Variants in XKR4 observed in about 807,000 individuals in gnomAD.
The protein encoded by XKR4 is XK related 4, also known as XK-related protein 4.
In XKR4, 12 loss-of-function variants were observed where a neutral mutation model predicts 53.9. The observed-to-expected ratio is 0.22, with a 90% CI of 0.14 to 0.36. The LOEUF is 0.36. Among genes scored for constraint, XKR4 ranks in the 10% least tolerant of loss-of-function variants. The pLI, the probability that XKR4 is intolerant of heterozygous loss-of-function variation, is 1.00. For synonymous variants in XKR4, 354 were observed against 362.4 expected (o/e 0.98, Z 0.26); for missense variants, 799 against 859.5 (o/e 0.93, Z 0.88).
intron 1 of XKR4, among the ~76,000 whole-genome samples, chr8:55,289,743 AAAAGAAAG>A (rs199720273): frequency 2.8e-5 from 4 of 142,356 alleles, no homozygotes; most frequent in African/African-American, 8.3e-5. Flanking sequence ...GAAAGAAAGA[AAAAGAAAG>A]AAAGAAAGAG....
intron 2 of XKR4, among the ~76,000 whole-genome samples, chr8:55,376,975 C>CACACACAG (rs1554521135): frequency 6.6e-5 from 10 of 151,290 alleles, no homozygotes; most frequent in African/African-American, 2.2e-4. Flanking sequence ...CACACACACA[C>CACACACAG]AGAGAGAGAG....
At chr8:55,103,853 A>ATG (rs1337808404) in intron 1 of XKR4, among the ~76,000 whole-genome samples, 13 of 24,346 alleles carry the variant, frequency 5.3e-4, no homozygotes, top group Admixed American at 9.5e-4. Context: ...ATGACTTTGT[A>ATG]TATATATATA....
chr8:55,193,220 T>A (rs1817466371), intron 1 of XKR4, among the ~76,000 whole-genome samples: 1 of 152,190 alleles, frequency 6.6e-6, no homozygotes, highest in South Asian at 2.1e-4. Flanking sequence ...CCTTTCTTCT[T>A]TTTAACCTTC....
intron 1 of XKR4, among the ~76,000 whole-genome samples, chr8:55,285,238 T>C (rs75520700): frequency 1.6e-3 from 246 of 152,308 alleles, no homozygotes; most frequent in African/African-American, 5.6e-3. Flanking sequence ...TAGGCACACA[T>C]ACCCATTATG....
At chr8:55,338,969 G>C (rs979393274) in intron 1 of XKR4, among the ~76,000 whole-genome samples, 1 of 152,162 alleles carries the variant, frequency 6.6e-6, no homozygotes, top group Non-Finnish European at 1.5e-5. Context: ...ATAGTTTGGT[G>C]TTAGGACTCA....
Position 55,535,497 on chromosome 8 carries a change from C to T in XKR4, c.*11270C>T, listed in dbSNP as rs1034706079. On this transcript the variant is annotated 3_prime_UTR_variant, in exon 3 of 3. Transcript: ENST00000327381. ...AAGAAAATGTTCATTTTCTGAACCC[C>T]AGAGCCCACATAGGTACAAAGATAC... 6.6e-6 allele frequency: 1 copy of T among 151,794 alleles called. No homozygotes were observed. 9.4% of individuals were successfully genotyped at this position (151,794 alleles called of 1,614,324 possible).
chr8:55,364,560 T>A (rs1469135922), intron 2 of XKR4, among the ~76,000 whole-genome samples: 3 of 152,232 alleles, frequency 2.0e-5, no homozygotes, highest in African/African-American at 7.2e-5. Flanking sequence ...TGTCTGAAAC[T>A]GTTTTTCTCA....
Position 55,215,256 on chromosome 8 carries a change from T to C in XKR4, c.806+111962T>C, listed in dbSNP as rs530787971. Among the ~76,000 whole-genome samples the C allele has an allele frequency of 2.2e-4, 33 of 152,342 alleles. No homozygotes were observed. In the South Asian group the frequency reaches 2.3e-3, roughly 11 times the overall value. On this transcript the variant is annotated intron_variant, in intron 1 of 2. Coordinates refer to ENST00000327381, the MANE Select transcript of XKR4 (RefSeq NM_052898.2). ...ATAACTTGCCCAAACATGTATAGGT[T>C]GTATGCCTAAACTAGTCCAGCAAAG...
rs540505184 is a variant in XKR4, at chr8:55,479,544, A to T, written c.1007-43737A>T. On this transcript the variant is annotated intron_variant, in intron 2 of 2. Transcript: ENST00000327381. ...AGCTAGCAGAAGGCAAGAAATAACT[A>T]AAATCAGAGGAGAACTGAAGGAAAT... is the stretch of plus-strand genomic sequence containing the variant. Among the ~76,000 whole-genome samples, 13 of 152,312 alleles carry T rather than the reference A, an allele frequency of 8.5e-5. No individual in the cohort carries two copies. The East Asian group carries it at 2.5e-3, about 29-fold the overall frequency.
intron 1 of XKR4, among the ~76,000 whole-genome samples, chr8:55,196,922 T>G (rs1817513859): frequency 6.6e-6 from 1 of 152,120 alleles, no homozygotes; most frequent in South Asian, 2.1e-4. Flanking sequence ...AGAAGAAAGG[T>G]AGCGTTGGCT....
At chr8:55,303,631 C>CT (rs1217568987) in intron 1 of XKR4, among the ~76,000 whole-genome samples, 1 of 152,076 alleles carries the variant, frequency 6.6e-6, no homozygotes, top group African/African-American at 2.4e-5. Context: ...TGGTCCTGGA[C>CT]TTTTTTTGGT....
rs540757298 is a variant in XKR4, at chr8:55,413,106, C to T, written c.1006+55229C>T. ...TTGTGTCCAGTTACTAATATTTAGT[C>T]CACAATTATGCATATATGACATTGT... On this transcript the variant is annotated intron_variant, in intron 2 of 2. Coordinates refer to ENST00000327381, the MANE Select transcript of XKR4 (RefSeq NM_052898.2). Among the ~76,000 whole-genome samples, 4 of 152,306 alleles carry T rather than the reference C, an allele frequency of 2.6e-5. No individual in the cohort carries two copies. The South Asian group carries it at 8.3e-4, about 32-fold the overall frequency.
chr8:55,450,938 C>A, intron 2 of XKR4: 1 of 491,164 alleles, frequency 2.0e-6, no homozygotes, highest in Non-Finnish European at 3.8e-6. Flanking sequence ...AGTCCTCCAG[C>A]AAGCGCAGGA....
In XKR4 at chr8:55,266,354, T is replaced by G. The variant is rs561451358; in HGVS notation, c.807-91324T>G. Among the ~76,000 whole-genome samples, 5 of 152,010 alleles carry G rather than the reference T, an allele frequency of 3.3e-5. No homozygotes were observed. The South Asian group carries it at 1.0e-3, about 32-fold the overall frequency. ...CTTAGTGCATTGCATGGCACCATCC[T>G]CCAGCTGTCTCTGTCTTAGTGCATT... On this transcript the variant is annotated intron_variant, in intron 1 of 2. Transcript: ENST00000327381.
chr8:55,221,610 C>A (rs1049158623), intron 1 of XKR4, among the ~76,000 whole-genome samples: 1 of 152,196 alleles, frequency 6.6e-6, no homozygotes, highest in East Asian at 1.9e-4. Context: ...TTTGCATTGG[C>A]ACTATCGTTC....
chr8:55,413,349 C>T (rs1285577604), intron 2 of XKR4, among the ~76,000 whole-genome samples: 1 of 152,180 alleles, frequency 6.6e-6, no homozygotes, highest in African/African-American at 2.4e-5. Context: ...CTTCAGCCCT[C>T]TGAGTAGCTG....
At position 55,470,144 on chromosome 8, in the gene XKR4, CA is replaced by C. The variant is rs551300616; in HGVS notation, c.1007-53135del. Among the ~76,000 whole-genome samples the C allele has an allele frequency of 4.1e-3, 620 of 152,162 alleles. 5 individuals are homozygous for C. Among genetic ancestry groups the C allele is most frequent in the African/African-American group, 0.014 (600 of 41,462 alleles). ...AATATAAAAAGATAAGTAATGTTCACAAGGGTGGACTAGCAAGGAACCATTA... is the reference window on the plus strand; with the variant it reads ...AATATAAAAAGATAAGTAATGTTCACAGGGTGGACTAGCAAGGAACCATTA... On this transcript the variant is annotated intron_variant, in intron 2 of 2. Transcript: ENST00000327381.
At position 55,279,593 on chromosome 8, in the gene XKR4, T is replaced by C. The variant is rs372488898; in HGVS notation, c.807-78085T>C. Reference sequence around the variant, plus strand: ...AGCAAATATAGTTTCAACTCAACTGTCATGCTTTGCTGGTTTGAAAGCTTC... The same window carrying C: ...AGCAAATATAGTTTCAACTCAACTGCCATGCTTTGCTGGTTTGAAAGCTTC... On this transcript the variant is annotated intron_variant, in intron 1 of 2. Coordinates refer to ENST00000327381, the MANE Select transcript of XKR4 (RefSeq NM_052898.2). Among the ~76,000 whole-genome samples, 15 of 152,356 alleles carry C rather than the reference T, an allele frequency of 9.8e-5. No individual in the cohort carries two copies. In the South Asian group the frequency reaches 1.9e-3, roughly 19 times the overall value.
chr8:55,307,986 A>T (rs4738068), intron 1 of XKR4, among the ~76,000 whole-genome samples: 3 of 152,012 alleles, frequency 2.0e-5, no homozygotes, highest in African/African-American at 4.8e-5. Flanking sequence ...CAGGCATGGT[A>T]TCTCATGCCT....
Sources: gnomAD v4.1 joint callset for allele counts (sites outside exome capture counted in the v4.1 genomes callset) on GRCh38, gnomAD v4.1.1 for gene constraint, MANE v1.5 for transcripts, NCBI Gene and HGNC (gene_info 2026-07-23, HGNC 2026-07-21) for gene names.